Variants in GRIN2A observed in about 807,000 individuals in gnomAD.
GRIN2A encodes glutamate receptor ionotropic, NMDA 2A.
A neutral mutation model predicts 113.4 loss-of-function variants in GRIN2A; 22 were observed. That is an observed-to-expected ratio of 0.19 (90% CI 0.14 to 0.28). The LOEUF is 0.28. GRIN2A is among the 10% of genes least tolerant of loss of function. The pLI is 1.00. For synonymous variants in GRIN2A, 827 were observed against 738.4 expected, an observed-to-expected ratio of 1.12 and a Z score of -1.94; for missense variants, 1,502 against 1,887.0, an observed-to-expected ratio of 0.80 and a Z score of 3.78.
chr16:9,756,167 C>G lies in GRIN2A; in HGVS notation c.*6982G>C, dbSNP rs773501666. The G allele has an allele frequency of 1.3e-5, 3 of 227,136 alleles. No homozygotes were observed. The highest frequency in any genetic ancestry group is 2.2e-5 in the African/African-American group (1 of 44,904). The allele number at this position is 227,136 out of a possible 1,614,324, so 14.1% of individuals were successfully genotyped here. A position where few individuals can be genotyped will look rare whatever the true frequency, so the allele number is the denominator to read the frequency against. Reference sequence around the variant, plus strand: ...ATACCCACACACATGAGAGCATGTACTATGTATATATGTTTAATGGAATTA... The same window carrying G: ...ATACCCACACACATGAGAGCATGTAGTATGTATATATGTTTAATGGAATTA... On this transcript the variant is annotated 3_prime_UTR_variant, in exon 13 of 13. Transcript: ENST00000330684.
At chr16:9,818,667 T>A (rs2042228432) in intron 10 of GRIN2A, among the ~76,000 whole-genome samples, 1 of 152,228 alleles carries the variant, frequency 6.6e-6, no homozygotes, top group East Asian at 1.9e-4. Context: ...TATATAAATA[T>A]GGCCAAAATT....
At position 9,868,127 on chromosome 16, in the gene GRIN2A, C is replaced by G. The variant is rs566133345; in HGVS notation, c.1123-18166G>C. Among the ~76,000 whole-genome samples the G allele has an allele frequency of 9.2e-5, 14 of 152,246 alleles. No homozygotes were observed. In the East Asian group the frequency reaches 2.7e-3, roughly 29 times the overall value. On this transcript the variant is annotated intron_variant, in intron 4 of 12. Coordinates refer to ENST00000330684, the MANE Select transcript of GRIN2A (RefSeq NM_001134407.3). ...AGTTCTAATATTTGAACATTTTTTA[C>G]TGCTTTCCTAACTCACAGCCACCAC...
At chr16:10,022,709 G>C (rs1009956481) in intron 2 of GRIN2A, among the ~76,000 whole-genome samples, 2 of 152,168 alleles carry the variant, frequency 1.3e-5, no homozygotes, top group African/African-American at 4.8e-5. Flanking sequence ...GACTGAATGA[G>C]TGAATGAATA....
intron 3 of GRIN2A, among the ~76,000 whole-genome samples, chr16:9,897,414 A>G (rs2043828154): frequency 6.6e-6 from 1 of 152,102 alleles, no homozygotes; most frequent in African/African-American, 2.4e-5. Flanking sequence ...TATTTCCTAT[A>G]TTATGATTGA....
chr16:9,849,202 A>ACTGTTTTATATATT (rs1223939606), intron 5 of GRIN2A, among the ~76,000 whole-genome samples: 35 of 143,798 alleles, frequency 2.4e-4, no homozygotes, highest in African/African-American at 8.0e-4. Context: ...TATAAAATAT[A>ACTGTTTTATATATT]TAATTTCTAT....
At chr16:9,768,474 A>T (rs1901055484) in intron 12 of GRIN2A, among the ~76,000 whole-genome samples, 1 of 152,234 alleles carries the variant, frequency 6.6e-6, no homozygotes, top group Non-Finnish European at 1.5e-5. Flanking sequence ...CTACATTCCC[A>T]TAAGACAATA....
intron 3 of GRIN2A, among the ~76,000 whole-genome samples, chr16:9,917,011 C>A (rs1359559063): frequency 1.3e-5 from 2 of 152,180 alleles, no homozygotes; most frequent in Admixed American, 6.5e-5. Flanking sequence ...CTGAGTCTAC[C>A]ATGAGAATAA....
At chr16:9,800,087 G>C (rs1275563293) in intron 10 of GRIN2A, among the ~76,000 whole-genome samples, 1 of 151,942 alleles carries the variant, frequency 6.6e-6, no homozygotes, top group African/African-American at 2.4e-5. Flanking sequence ...TGATTCTTGT[G>C]CCTCAGCCTC....
At position 9,758,721 on chromosome 16, in the gene GRIN2A, A is replaced by G. The variant is rs753492610; in HGVS notation, c.*4428T>C. ...TGGCAAGCTGACCTCATCTGATACA[A>G]TTAGATATGAACACAGTACAATGTA... On this transcript the variant is annotated 3_prime_UTR_variant, in exon 13 of 13. Coordinates refer to ENST00000330684, the MANE Select transcript of GRIN2A (RefSeq NM_001134407.3). The G allele has an allele frequency of 2.3e-5, 5 of 215,046 alleles. No homozygotes were observed. Among genetic ancestry groups the G allele is most frequent in the Non-Finnish European group, 4.7e-5 (5 of 106,532 alleles). 13.3% of individuals were successfully genotyped at this position (215,046 alleles called of 1,614,324 possible).
chr16:10,169,892 A>C (rs2050004354), intron 2 of GRIN2A, among the ~76,000 whole-genome samples: 1 of 152,106 alleles, frequency 6.6e-6, no homozygotes, highest in Non-Finnish European at 1.5e-5. Flanking sequence ...TGGCCTCCAC[A>C]TATATTTCTA....
At chr16:10,165,740 G>C (rs1342150649) in intron 2 of GRIN2A, among the ~76,000 whole-genome samples, 2 of 72,056 alleles carry the variant, frequency 2.8e-5, no homozygotes, top group Non-Finnish European at 6.1e-5. Flanking sequence ...GGAGAAAGGA[G>C]GGGAGGGGAG....
chr16:9,985,948 T>C (rs532289952), intron 2 of GRIN2A, among the ~76,000 whole-genome samples: 3 of 152,352 alleles, frequency 2.0e-5, no homozygotes, highest in South Asian at 2.1e-4. Context: ...GTATCTCATG[T>C]ACCCCAGAAA....
At chr16:9,995,420 G>A (rs1298453568) in intron 2 of GRIN2A, among the ~76,000 whole-genome samples, 1 of 152,210 alleles carries the variant, frequency 6.6e-6, no homozygotes, top group East Asian at 1.9e-4. Context: ...ATCCCCTCAG[G>A]TTTAATAAAG....
At chr16:9,905,570 C>T (rs2044010564) in intron 3 of GRIN2A, among the ~76,000 whole-genome samples, 1 of 152,192 alleles carries the variant, frequency 6.6e-6, no homozygotes, top group Admixed American at 6.5e-5. Flanking sequence ...GAAAAATATT[C>T]ATGTTCCTTC....
chr16:9,818,454 T>G (rs2141285921), intron 10 of GRIN2A, among the ~76,000 whole-genome samples: 1 of 151,684 alleles, frequency 6.6e-6, no homozygotes, highest in South Asian at 2.1e-4. Flanking sequence ...AAGCAAATGG[T>G]TGATATATTT....
chr16:10,095,559 A>C (rs1052751908), intron 2 of GRIN2A, among the ~76,000 whole-genome samples: 1 of 152,236 alleles, frequency 6.6e-6, no homozygotes, highest in Non-Finnish European at 1.5e-5. Context: ...GCTGGTGAGT[A>C]AAAACATGAT....
chr16:9,892,251 A>C (rs930678703), intron 3 of GRIN2A, among the ~76,000 whole-genome samples: 4 of 152,192 alleles, frequency 2.6e-5, no homozygotes, highest in Non-Finnish European at 5.9e-5. Context: ...AACAAACAAA[A>C]AAAACTATGG....
intron 2 of GRIN2A, among the ~76,000 whole-genome samples, chr16:10,092,639 C>T (rs72774182): frequency 0.085 from 12,992 of 152,224 alleles, 711 homozygotes; most frequent in Non-Finnish European, 0.13. Flanking sequence ...CATAACAACT[C>T]TATGAGGTCA....
intron 2 of GRIN2A, among the ~76,000 whole-genome samples, chr16:9,967,889 T>C (rs528291298): frequency 1.3e-5 from 2 of 152,046 alleles, no homozygotes. Flanking sequence ...ACTATTGAAA[T>C]AGAAATTAAA....
Sources: allele counts gnomAD v4.1 joint callset (sites outside exome capture counted in the v4.1 genomes callset), GRCh38; gene constraint gnomAD v4.1.1; transcripts MANE v1.5; gene names NCBI Gene and HGNC (gene_info 2026-07-23, HGNC 2026-07-21).